EHD3: variants seen among roughly 807,000 people sequenced by gnomAD.
EHD3 encodes the protein EH domain-containing protein 3.
Under a neutral mutation model 43.0 loss-of-function variants are expected in EHD3, and 17 were observed. The ratio of observed to expected loss-of-function variants is 0.40; its 90% CI spans 0.27 to 0.59. EHD3 has a LOEUF of 0.59. Ranked by LOEUF, EHD3 falls within the 20% of genes least tolerant of loss-of-function variation. The pLI is 0.49. For missense variants in EHD3, 594 were observed against 705.6 expected (o/e 0.84, Z 1.79); for synonymous variants, 313 against 289.5 (o/e 1.08, Z -0.82).
Position 31,234,758 on chromosome 2 carries a change from A to G in EHD3, c.137A>G (p.His46Arg), listed in dbSNP as rs769439575. 2.5e-6 allele frequency: 4 copies of G among 1,613,690 alleles called. No homozygotes were observed. Among genetic ancestry groups the G allele is most frequent in the Non-Finnish European group, 3.4e-6 (4 of 1,179,960 alleles). ...GAGCATTACCGCTTCCACGAGTTCC[A>G]CTCGCCCGCCCTGGAGGATGCCGAC... Reference protein sequence around the residue: ...LEEHYRFHEFHSPALEDADFD... With the variant: ...LEEHYRFHEFRSPALEDADFD... The change falls in exon 1 of 6, where the codon CAC (histidine) becomes CGC (arginine). Residue 46 changes from histidine (H) to arginine (R), a missense_variant. His to Arg is a conservative substitution (Grantham distance 29). This residue lies in a region of EHD3 where 243 missense variants were observed against 296.7 expected (regional missense o/e 0.82). Coordinates refer to ENST00000322054, the MANE Select transcript of EHD3 (RefSeq NM_014600.3).
chr2:31,246,229 G>A (rs1683523755), intron 2 of EHD3, among the ~76,000 whole-genome samples: 2 of 152,226 alleles, frequency 1.3e-5, no homozygotes, highest in Admixed American at 6.5e-5. Context: ...TGAGTAAGGA[G>A]GTCCTGGATG....
chr2:31,240,676 C>T (rs1572461769), intron 1 of EHD3, among the ~76,000 whole-genome samples: 2 of 152,362 alleles, frequency 1.3e-5, no homozygotes, highest in South Asian at 4.1e-4. Context: ...AGCCTTCACT[C>T]ATCTGCTGAG....
Position 31,241,855 on chromosome 2 carries a change from G to A in EHD3, c.228-2419G>A, listed in dbSNP as rs185339041. ...GCAGGAAGTGCTAGCCAAGGGTGCAGCTGTTAGGATTCACTCTCATCACAA... is the reference window on the plus strand; with the variant it reads ...GCAGGAAGTGCTAGCCAAGGGTGCAACTGTTAGGATTCACTCTCATCACAA... On this transcript the variant is annotated intron_variant, in intron 1 of 5. Coordinates refer to ENST00000322054, the MANE Select transcript of EHD3 (RefSeq NM_014600.3). 3.3e-3 allele frequency among the ~76,000 whole-genome samples: 506 copies of A among 152,356 alleles called. 3 individuals carry two copies. Among genetic ancestry groups the A allele is most frequent in the African/African-American group, 0.012 (485 of 41,586 alleles).
chr2:31,252,664 G>A (rs569269335), intron 3 of EHD3, among the ~76,000 whole-genome samples: 38 of 152,202 alleles, frequency 2.5e-4, no homozygotes, highest in South Asian at 6.2e-4. Flanking sequence ...TAGTAGAGAC[G>A]GGGTTTCACT....
intron 2 of EHD3, 36 bp downstream of exon 2, chr2:31,244,486 C>T: frequency 1.3e-6 from 2 of 1,596,212 alleles, no homozygotes; most frequent in South Asian, 1.1e-5. Flanking sequence ...TTCAGGTGCT[C>T]TCTTTTCTTC....
intron 3 of EHD3, among the ~76,000 whole-genome samples, chr2:31,252,716 T>A (rs1268033030): frequency 6.6e-6 from 1 of 152,178 alleles, no homozygotes; most frequent in East Asian, 1.9e-4. Context: ...GTGACTGCCT[T>A]AAGCAAATTA....
intron 1 of EHD3, among the ~76,000 whole-genome samples, chr2:31,238,107 T>C (rs1683355338): frequency 6.6e-6 from 1 of 152,226 alleles, no homozygotes; most frequent in Admixed American, 6.5e-5. Context: ...ATTTTTGTAC[T>C]AAGAGTCATA....
At chr2:31,254,115 G>A (rs1683691981) in intron 3 of EHD3, among the ~76,000 whole-genome samples, 1 of 152,174 alleles carries the variant, frequency 6.6e-6, no homozygotes, top group South Asian at 2.1e-4. Flanking sequence ...GGCCAGAGCA[G>A]GTTGAAAATT....
chr2:31,257,093 G>T (rs1204396509), intron 3 of EHD3, among the ~76,000 whole-genome samples: 1 of 152,210 alleles, frequency 6.6e-6, no homozygotes, highest in Non-Finnish European at 1.5e-5. Context: ...CTAAAATCCA[G>T]ATTGGGGAAT....
intron 1 of EHD3, among the ~76,000 whole-genome samples, chr2:31,238,421 G>A (rs1365786502): frequency 1.3e-5 from 2 of 152,228 alleles, no homozygotes; most frequent in African/African-American, 2.4e-5. Context: ...CTTGTCTGAG[G>A]AAGAACACAC....
At chr2:31,258,684 C>G (rs1421174551) in intron 3 of EHD3, among the ~76,000 whole-genome samples, 16 of 152,204 alleles carry the variant, frequency 1.1e-4, no homozygotes, top group Non-Finnish European at 2.4e-4. Context: ...TACACAGAGT[C>G]ATCGTGAGGA....
At position 31,266,795 on chromosome 2, in the gene EHD3, AACATGC is replaced by A; in HGVS notation, c.*95_*100del. The A allele has an allele frequency of 7.7e-6, 8 of 1,034,846 alleles. No individual in the cohort carries two copies. The highest frequency in any genetic ancestry group is 1.1e-5 in the Non-Finnish European group (8 of 738,588). 64.1% of individuals were successfully genotyped at this position (1,034,846 alleles called of 1,614,324 possible). On this transcript the variant is annotated 3_prime_UTR_variant, in exon 6 of 6. Transcript: ENST00000322054. This position sits in a 1 kb window ranked among gnomAD's most constrained non-coding sequence, Gnocchi z 5.1. Reference sequence around the variant, plus strand: ...ACACACACACACACACACACACACAAACATGCACACACACATATGCATATCTTGACA... The same window carrying A: ...ACACACACACACACACACACACACAAACACACACATATGCATATCTTGACA...
chr2:31,261,786 A>C, intron 5 of EHD3, 73 bp downstream of exon 5: 3 of 1,559,110 alleles, frequency 1.9e-6, no homozygotes, highest in Non-Finnish European at 2.6e-6. Context: ...AGTATGGAGG[A>C]GGCCACTCTT....
At chr2:31,250,177 C>T (rs1172870301) in intron 3 of EHD3, among the ~76,000 whole-genome samples, 1 of 151,872 alleles carries the variant, frequency 6.6e-6, no homozygotes, top group East Asian at 1.9e-4. Flanking sequence ...AAAAGAAATG[C>T]TTAAGATAAA....
chr2:31,257,368 G>A (rs997887952), intron 3 of EHD3, among the ~76,000 whole-genome samples: 5 of 152,174 alleles, frequency 3.3e-5, no homozygotes, highest in African/African-American at 9.7e-5. Flanking sequence ...GAGTAGTGCG[G>A]GCTGCAGGCT....
intron 3 of EHD3, among the ~76,000 whole-genome samples, chr2:31,258,590 G>A (rs900638103): frequency 1.3e-5 from 2 of 152,182 alleles, no homozygotes; most frequent in African/African-American, 4.8e-5. Context: ...TACCAGCTGG[G>A]TGACCTTAGA....
intron 1 of EHD3, among the ~76,000 whole-genome samples, chr2:31,242,044 C>T (rs1370783884): frequency 3.9e-5 from 6 of 152,338 alleles, no homozygotes; most frequent in South Asian, 4.1e-4. Flanking sequence ...GGCTCCAACT[C>T]TCAGCAGATC....
At chr2:31,264,059 C>G (rs1251410514) in intron 5 of EHD3, among the ~76,000 whole-genome samples, 1 of 152,196 alleles carries the variant, frequency 6.6e-6, no homozygotes, top group Non-Finnish European at 1.5e-5. Flanking sequence ...TTGCTAATGA[C>G]AGGGACACAT....
At chr2:31,259,797 G>C (rs1160726912) in intron 3 of EHD3, among the ~76,000 whole-genome samples, 1 of 152,206 alleles carries the variant, frequency 6.6e-6, no homozygotes. Flanking sequence ...CTGGGTCTTT[G>C]TGTCAGATTA....
Sources: gnomAD v4.1 joint callset for allele counts (sites outside exome capture counted in the v4.1 genomes callset) on GRCh38, gnomAD v4.1.1 for gene constraint, gnomAD v4.1.1 regional missense constraint, Gnocchi (gnomAD v3.1) non-coding constraint, MANE v1.5 for transcripts, NCBI Gene and HGNC (gene_info 2026-07-23, HGNC 2026-07-21) for gene names.